PKNOX2: variants seen among roughly 807,000 people sequenced by gnomAD.
PKNOX2 encodes the protein homeobox protein PKNOX2.
In PKNOX2, 14 loss-of-function variants were observed where a neutral mutation model predicts 53.1. The ratio of observed to expected loss-of-function variants is 0.26; its 90% CI spans 0.17 to 0.41. PKNOX2 has a LOEUF of 0.41. Among genes scored for constraint, PKNOX2 ranks in the 10% least tolerant of loss-of-function variants. The pLI is 1.00. For missense variants in PKNOX2, 496 were observed against 602.8 expected (o/e 0.82, Z 1.85); for synonymous variants, 257 against 242.8 (o/e 1.06, Z -0.54).
intron 2 of PKNOX2, among the ~76,000 whole-genome samples, chr11:125,293,591 G>A (rs1947448169): frequency 1.3e-5 from 2 of 152,196 alleles, no homozygotes. Flanking sequence ...GGGCATCTAA[G>A]TTGTTATTAC....
At chr11:125,379,591 A>G (rs1303939438) in intron 5 of PKNOX2, among the ~76,000 whole-genome samples, 1 of 152,114 alleles carries the variant, frequency 6.6e-6, no homozygotes, top group Non-Finnish European at 1.5e-5. Flanking sequence ...TGCCTGCCCC[A>G]TGATGCTCTC....
chr11:125,250,649 A>G (rs543221407), intron 2 of PKNOX2, among the ~76,000 whole-genome samples: 14 of 152,388 alleles, frequency 9.2e-5, no homozygotes, highest in Middle Eastern at 3.4e-3. Context: ...AGGCTGAGTC[A>G]CTAGGCTTAA....
At chr11:125,238,736 C>A (rs73619411) in intron 2 of PKNOX2, among the ~76,000 whole-genome samples, 2,292 of 152,206 alleles carry the variant, frequency 0.015, 55 homozygotes, top group African/African-American at 0.052. Flanking sequence ...CTATTCTGTC[C>A]CCTTTTGTGA....
At chr11:125,249,998 G>A (rs1943870177) in intron 2 of PKNOX2, among the ~76,000 whole-genome samples, 2 of 143,916 alleles carry the variant, frequency 1.4e-5, no homozygotes. Context: ...CCGGGAGGCA[G>A]AGGTTGCGGT....
At chr11:125,342,151 A>T (rs1465480604) in intron 3 of PKNOX2, among the ~76,000 whole-genome samples, 1 of 150,188 alleles carries the variant, frequency 6.7e-6, no homozygotes, top group Admixed American at 6.6e-5. Flanking sequence ...TGCTTCCACA[A>T]CTCTGACTCT....
At chr11:125,418,194 G>A (rs966401302) in intron 10 of PKNOX2, among the ~76,000 whole-genome samples, 17 of 151,904 alleles carry the variant, frequency 1.1e-4, no homozygotes, top group African/African-American at 4.1e-4. Context: ...GCCTCTATGG[G>A]TTTGCCTATT....
chr11:125,354,506 G>A (rs768373976), intron 4 of PKNOX2, among the ~76,000 whole-genome samples: 1 of 152,166 alleles, frequency 6.6e-6, no homozygotes, highest in Non-Finnish European at 1.5e-5. Flanking sequence ...AATGAAAAAG[G>A]AAGCGAGACG....
intron 2 of PKNOX2, among the ~76,000 whole-genome samples, chr11:125,330,959 C>T (rs908014530): frequency 2.6e-5 from 4 of 152,186 alleles, no homozygotes; most frequent in Admixed American, 6.5e-5. Context: ...TCCTGGCCAG[C>T]GGTTCTCCCG....
At chr11:125,320,589 C>T (rs1356204762) in intron 2 of PKNOX2, among the ~76,000 whole-genome samples, 1 of 152,204 alleles carries the variant, frequency 6.6e-6, no homozygotes, top group Non-Finnish European at 1.5e-5. Flanking sequence ...TGGCTGCAAG[C>T]ACCTCCTCCC....
intron 1 of PKNOX2, among the ~76,000 whole-genome samples, chr11:125,176,174 C>T (rs1434478924): frequency 1.3e-5 from 2 of 152,150 alleles, no homozygotes; most frequent in Non-Finnish European, 2.9e-5. Context: ...CCAAAGTGCT[C>T]GTGGTTGTTC....
intron 2 of PKNOX2, among the ~76,000 whole-genome samples, chr11:125,326,395 G>A (rs1357606211): frequency 6.6e-6 from 1 of 152,192 alleles, no homozygotes; most frequent in Non-Finnish European, 1.5e-5. Flanking sequence ...AGCCTGGACT[G>A]GCTGGAGAAA....
At chr11:125,414,984 CATT>C in intron 10 of PKNOX2, among the ~76,000 whole-genome samples, 1 of 152,258 alleles carries the variant, frequency 6.6e-6, no homozygotes, top group African/African-American at 2.4e-5. Context: ...ATTTTACTAT[CATT>C]TGACCGTAAG....
At chr11:125,286,025 G>T (rs1946873202) in intron 2 of PKNOX2, among the ~76,000 whole-genome samples, 1 of 152,204 alleles carries the variant, frequency 6.6e-6, no homozygotes, top group South Asian at 2.1e-4. Context: ...TTACCAGCAT[G>T]CTACTGGTCC....
chr11:125,269,832 T>C (rs1190172155), intron 2 of PKNOX2, among the ~76,000 whole-genome samples: 1 of 152,170 alleles, frequency 6.6e-6, no homozygotes, highest in Non-Finnish European at 1.5e-5. Context: ...CGGTTGTCCT[T>C]GGACTTTTGG....
chr11:125,170,676 G>A (rs749297959), intron 1 of PKNOX2, among the ~76,000 whole-genome samples: 6 of 152,222 alleles, frequency 3.9e-5, no homozygotes, highest in Non-Finnish European at 8.8e-5. Flanking sequence ...TTTCTGCTAA[G>A]ACCTATCTCA....
intron 2 of PKNOX2, among the ~76,000 whole-genome samples, chr11:125,294,294 T>C (rs1398449138): frequency 6.6e-6 from 1 of 152,140 alleles, no homozygotes; most frequent in African/African-American, 2.4e-5. Flanking sequence ...CCCAGAAGCC[T>C]GAGGTAAGCC....
At chr11:125,315,328 AC>A (rs1949106889) in intron 2 of PKNOX2, among the ~76,000 whole-genome samples, 1 of 144,814 alleles carries the variant, frequency 6.9e-6, no homozygotes, top group Non-Finnish European at 1.5e-5. Context: ...AAAAAAAAAA[AC>A]ACCTCTCTCT....
Position 125,371,998 on chromosome 11 carries a change from C to T in PKNOX2, c.227+4013C>T, listed in dbSNP as rs1053839831. 2.6e-5 allele frequency among the ~76,000 whole-genome samples: 4 copies of T among 152,296 alleles called. No homozygotes were observed. In the East Asian group the frequency reaches 7.7e-4, roughly 29 times the overall value. On this transcript the variant is annotated intron_variant, in intron 5 of 12. Transcript: ENST00000298282. The stretch of plus-strand genomic sequence containing the variant: ...GTTTCCCCTGCTATACTGTTAACTC[C>T]AGAGGACAGGGTCTGCGTCTGTCTT...
chr11:125,306,523 A>T (rs1366511462), intron 2 of PKNOX2, among the ~76,000 whole-genome samples: 1 of 152,200 alleles, frequency 6.6e-6, no homozygotes, highest in South Asian at 2.1e-4. Flanking sequence ...TAAAAATGTT[A>T]TGTCCACCAT....
Sources: allele counts gnomAD v4.1 joint callset (sites outside exome capture counted in the v4.1 genomes callset), GRCh38; gene constraint gnomAD v4.1.1; transcripts MANE v1.5; gene names NCBI Gene and HGNC (gene_info 2026-07-23, HGNC 2026-07-21).